Variants in GRID2 observed in about 807,000 individuals in gnomAD.
GRID2 encodes the protein glutamate ionotropic receptor delta type subunit 2.
Under a neutral mutation model 114.8 loss-of-function variants are expected in GRID2, and 33 were observed. That is an observed-to-expected ratio of 0.29 (90% CI 0.22 to 0.38). The LOEUF is 0.38. GRID2 is among the 10% of genes least tolerant of loss of function. The pLI, the probability that GRID2 is intolerant of heterozygous loss-of-function variation, is 1.00. For missense variants in GRID2, 1,184 were observed against 1,257.7 expected (o/e 0.94, Z 0.89); for synonymous variants, 505 against 449.9 (o/e 1.12, Z -1.55).
chr4:92,715,378 T>C (rs1299182669), intron 2 of GRID2, among the ~76,000 whole-genome samples: 1 of 152,178 alleles, frequency 6.6e-6, no homozygotes, highest in African/African-American at 2.4e-5. Flanking sequence ...TCCTGCCTTC[T>C]TCTGAGCCCT....
intron 14 of GRID2, among the ~76,000 whole-genome samples, chr4:93,632,809 G>A (rs1380290324): frequency 6.6e-6 from 1 of 152,144 alleles, no homozygotes; most frequent in Non-Finnish European, 1.5e-5. Context: ...ACCTTGGGCA[G>A]TATGGCCATT....
intron 8 of GRID2, among the ~76,000 whole-genome samples, chr4:93,393,378 A>G (rs1293949791): frequency 6.6e-6 from 1 of 152,000 alleles, no homozygotes; most frequent in Non-Finnish European, 1.5e-5. Context: ...CAGAAAGGTG[A>G]AAAGTCTTTG....
At chr4:92,963,624 A>G (rs1752958101) in intron 2 of GRID2, among the ~76,000 whole-genome samples, 1 of 151,980 alleles carries the variant, frequency 6.6e-6, no homozygotes, top group South Asian at 2.1e-4. Context: ...TGAAGTATTG[A>G]ACTCCTCACG....
chr4:93,051,764 C>T (rs1290837546), intron 2 of GRID2, among the ~76,000 whole-genome samples: 1 of 151,916 alleles, frequency 6.6e-6, no homozygotes, highest in Non-Finnish European at 1.5e-5. Context: ...GAGCTGTAAC[C>T]TGAAATGTTT....
chr4:92,951,341 A>ATTTATTTATTTATTTT (rs1752022221), intron 2 of GRID2, among the ~76,000 whole-genome samples: 1 of 140,584 alleles, frequency 7.1e-6, no homozygotes, highest in Admixed American at 6.9e-5. Flanking sequence ...TTTTTTATTT[A>ATTTATTTATTTATTTT]TTTATTTATT....
intron 14 of GRID2, among the ~76,000 whole-genome samples, chr4:93,741,181 ATATATATATATATATATATG>A (rs1485757639): frequency 0.065 from 2,451 of 37,678 alleles, 188 homozygotes; most frequent in African/African-American, 0.13. Context: ...ATACATATAT[ATATATATATATATATATATG>A]TATATATATA....
intron 2 of GRID2, among the ~76,000 whole-genome samples, chr4:92,920,776 T>G (rs1451838902): frequency 1.3e-5 from 2 of 152,204 alleles, no homozygotes; most frequent in Non-Finnish European, 2.9e-5. Context: ...TGGCTACCCT[T>G]AACATTTTTT....
intron 13 of GRID2, among the ~76,000 whole-genome samples, chr4:93,590,130 T>C (rs1287471928): frequency 4.6e-5 from 7 of 150,554 alleles, no homozygotes; most frequent in South Asian, 2.1e-4. Flanking sequence ...TCCTTGCCCA[T>C]GCCTATGTCC....
intron 4 of GRID2, among the ~76,000 whole-genome samples, chr4:93,177,200 T>C (rs1373769810): frequency 6.6e-6 from 1 of 152,130 alleles, no homozygotes; most frequent in Non-Finnish European, 1.5e-5. Context: ...TTCTATTCTG[T>C]GGCAAAGTGT....
intron 1 of GRID2, among the ~76,000 whole-genome samples, chr4:92,321,333 A>T (rs966585661): frequency 1.3e-5 from 2 of 152,200 alleles, no homozygotes; most frequent in African/African-American, 4.8e-5. Flanking sequence ...TGATCTGCAG[A>T]TGGAAGAACG....
At chr4:93,347,097 A>G (rs1165303106) in intron 8 of GRID2, among the ~76,000 whole-genome samples, 1 of 151,874 alleles carries the variant, frequency 6.6e-6, no homozygotes, top group Non-Finnish European at 1.5e-5. Context: ...CAGACCCTTC[A>G]CCAGCCTCCA....
intron 2 of GRID2, among the ~76,000 whole-genome samples, chr4:92,620,796 G>T (rs1037268358): frequency 4.6e-5 from 7 of 150,938 alleles, no homozygotes; most frequent in African/African-American, 1.7e-4. Flanking sequence ...CTGTTGTGGG[G>T]TGGGGGGAGT....
intron 14 of GRID2, among the ~76,000 whole-genome samples, chr4:93,724,750 G>A (rs914555499): frequency 3.3e-5 from 5 of 151,890 alleles, no homozygotes; most frequent in Admixed American, 1.3e-4. Context: ...GGAGAGAGAG[G>A]TCCTCACTGC....
At chr4:93,603,493 A>T (rs1311285476) in intron 13 of GRID2, among the ~76,000 whole-genome samples, 1 of 152,242 alleles carries the variant, frequency 6.6e-6, no homozygotes, top group Non-Finnish European at 1.5e-5. Flanking sequence ...GAAGCAACAG[A>T]TGCTGATGCA....
chr4:92,659,766 C>T (rs187647737), intron 2 of GRID2, among the ~76,000 whole-genome samples: 2 of 151,476 alleles, frequency 1.3e-5, no homozygotes, highest in East Asian at 3.9e-4. Flanking sequence ...CTCTGGTACC[C>T]CACATTTTCC....
At chr4:92,696,906 A>G (rs949350284) in intron 2 of GRID2, among the ~76,000 whole-genome samples, 27 of 152,192 alleles carry the variant, frequency 1.8e-4, no homozygotes, top group Admixed American at 1.0e-3. Context: ...TTCTTCTAAT[A>G]GACTCCACAC....
At chr4:92,672,066 A>T (rs1245253147) in intron 2 of GRID2, among the ~76,000 whole-genome samples, 1 of 152,140 alleles carries the variant, frequency 6.6e-6, no homozygotes, top group African/African-American at 2.4e-5. Context: ...TTAATATTAT[A>T]TCATAAAAGA....
At chr4:92,620,498 T>C (rs1232243624) in intron 2 of GRID2, among the ~76,000 whole-genome samples, 1 of 151,722 alleles carries the variant, frequency 6.6e-6, no homozygotes, top group African/African-American at 2.4e-5. Flanking sequence ...AGAACGCTTC[T>C]AGCATTTGGC....
intron 4 of GRID2, among the ~76,000 whole-genome samples, chr4:93,148,425 T>C (rs934865057): frequency 2.0e-5 from 3 of 152,026 alleles, no homozygotes; most frequent in African/African-American, 7.2e-5. Flanking sequence ...GAAATAAAAA[T>C]AGAAGAGACC....
Sources: gnomAD v4.1 joint callset for allele counts (sites outside exome capture counted in the v4.1 genomes callset) on GRCh38, gnomAD v4.1.1 for gene constraint, MANE v1.5 for transcripts, NCBI Gene and HGNC (gene_info 2026-07-23, HGNC 2026-07-21) for gene names.